The following PTAR1 variants were observed in gnomAD, a reference collection of about 807,000 sequenced individuals.
PTAR1 encodes protein prenyltransferase alpha subunit repeat-containing protein 1.
PTAR1 carries 17 observed loss-of-function variants against 45.5 expected under a neutral mutation model. That is an observed-to-expected ratio of 0.37 (90% CI 0.26 to 0.56). The LOEUF is 0.56. Among genes scored for constraint, PTAR1 ranks in the 20% least tolerant of loss-of-function variants. The probability of loss-of-function intolerance (pLI) is 0.77; values close to 1 mark genes in which losing one functional copy is unlikely to be tolerated. For synonymous variants in PTAR1, 169 were observed against 171.3 expected (o/e 0.99, Z 0.11); for missense variants, 391 against 476.3 (o/e 0.82, Z 1.67).
chr9:69,744,385 CT>C (rs68024709), intron 2 of PTAR1, among the ~76,000 whole-genome samples: 46,013 of 145,910 alleles, frequency 0.32, 7,641 homozygotes, highest in Admixed American at 0.41. Flanking sequence ...TTCATCTCTG[CT>C]TTTTTTTTTT....
intron 4 of PTAR1, among the ~76,000 whole-genome samples, 187 bp from the exon 5 acceptor site, chr9:69,732,539 A>C (rs1426780500): frequency 6.6e-6 from 1 of 152,042 alleles, no homozygotes; most frequent in Non-Finnish European, 1.5e-5. Flanking sequence ...CTAATTTAGC[A>C]GTATGGATGA....
intron 3 of PTAR1, among the ~76,000 whole-genome samples, chr9:69,736,314 T>C (rs1240298822): frequency 6.6e-6 from 1 of 152,120 alleles, no homozygotes; most frequent in African/African-American, 2.4e-5. Flanking sequence ...ATCCCAGCAC[T>C]TTGGGAGGCC....
At position 69,715,134 on chromosome 9, in the gene PTAR1, T is replaced by C. The variant is rs1463770001; in HGVS notation, c.*3208A>G. ...ATTTTTAATATATATTATAATACAG[T>C]TAATTGACAATTACAGAGCTGCATT... On this transcript the variant is annotated 3_prime_UTR_variant, in exon 8 of 8. Transcript: ENST00000340434. The C allele has an allele frequency of 6.6e-6, 1 of 152,064 alleles. No individual in the cohort carries two copies. The highest frequency in any genetic ancestry group is 1.5e-5 in the Non-Finnish European group (1 of 67,984). The allele number at this position is 152,064 out of a possible 1,614,324, so 9.4% of individuals were successfully genotyped here. A position where few individuals can be genotyped will look rare whatever the true frequency, so the allele number is the denominator to read the frequency against.
At chr9:69,759,720 C>A in intron 1 of PTAR1, 133 bp downstream of exon 1, 1 of 857,326 alleles carries the variant, frequency 1.2e-6, no homozygotes, top group Non-Finnish European at 1.7e-6. Context: ...CCCGACACGG[C>A]TCTGCCTCCT....
At position 69,732,014 on chromosome 9, in the gene PTAR1, C is replaced by G. The variant is rs73647275; in HGVS notation, c.642+125G>C. The G allele has an allele frequency of 3.6e-5, 24 of 657,756 alleles. No homozygotes were observed. In the East Asian group the frequency reaches 6.5e-4, roughly 18 times the overall value. The allele number at this position is 657,756 out of a possible 1,614,324, so 40.7% of individuals were successfully genotyped here. A position where few individuals can be genotyped will look rare whatever the true frequency, so the allele number is the denominator to read the frequency against. Reference sequence around the variant, plus strand: ...GTTCCTCCAGAGGTAGCAGCTGTTGCGATTCTCTCAAGTTGCCAGACCATC... The same window carrying G: ...GTTCCTCCAGAGGTAGCAGCTGTTGGGATTCTCTCAAGTTGCCAGACCATC... On this transcript the variant is annotated intron_variant, in intron 5 of 7. Coordinates refer to ENST00000340434, the MANE Select transcript of PTAR1 (RefSeq NM_001099666.2).
intron 1 of PTAR1, chr9:69,757,823 G>A (rs1005555392): frequency 1.3e-5 from 2 of 151,326 alleles, no homozygotes; most frequent in Non-Finnish European, 2.9e-5. Context: ...GGAAGAAAGC[G>A]CAGGCAATTT....
chr9:69,754,870 T>C (rs1826701894), intron 1 of PTAR1, among the ~76,000 whole-genome samples: 1 of 152,010 alleles, frequency 6.6e-6, no homozygotes, highest in Non-Finnish European at 1.5e-5. Context: ...ACATCCTTTT[T>C]TCCTGAGTAT....
chr9:69,759,970 CT>C lies in PTAR1; in HGVS notation c.-33del. 1 of 1,441,506 alleles carries C rather than the reference CT, an allele frequency of 6.9e-7. No homozygotes were observed. Among genetic ancestry groups the C allele is most frequent in the South Asian group, 1.4e-5 (1 of 73,108 alleles). The allele number at this position is 1,441,506 out of a possible 1,614,324, so 89.3% of individuals were successfully genotyped here. A position where few individuals can be genotyped will look rare whatever the true frequency, so the allele number is the denominator to read the frequency against. On this transcript the variant is annotated 5_prime_UTR_variant, in exon 1 of 8. Coordinates refer to ENST00000340434, the MANE Select transcript of PTAR1 (RefSeq NM_001099666.2). ...GGCGGCCGCGACAGTTCGGGCGCGCCTCCGCGTGAGCCGGGCCGCCGGCGGG... is the reference window on the plus strand; with the variant it reads ...GGCGGCCGCGACAGTTCGGGCGCGCCCCGCGTGAGCCGGGCCGCCGGCGGG...
chr9:69,711,396 C>T lies in PTAR1; in HGVS notation c.*6946G>A, dbSNP rs1477016119. 1 of 152,156 alleles carries T rather than the reference C, an allele frequency of 6.6e-6. No individual in the cohort carries two copies. Among genetic ancestry groups the T allele is most frequent in the Non-Finnish European group, 1.5e-5 (1 of 68,024 alleles). 9.4% of individuals were successfully genotyped at this position (152,156 alleles called of 1,614,324 possible). A position where few individuals can be genotyped will look rare whatever the true frequency, so the allele number is the denominator to read the frequency against. On this transcript the variant is annotated 3_prime_UTR_variant, in exon 8 of 8. Transcript: ENST00000340434. ...GTTTAATCTTTTTACATTAGGTAAA[C>T]TCTGTCAAAAATGCTTTGAAAACCA...
chr9:69,723,225 T>C (rs567167423), intron 6 of PTAR1, 101 bp downstream of exon 6: 13 of 970,908 alleles, frequency 1.3e-5, no homozygotes, highest in Non-Finnish European at 1.9e-5. Flanking sequence ...CAGATGACCA[T>C]GTTTACCCAA....
chr9:69,723,057 C>T (rs1825098204), intron 6 of PTAR1, among the ~76,000 whole-genome samples: 1 of 151,466 alleles, frequency 6.6e-6, no homozygotes, highest in African/African-American at 2.4e-5. Context: ...GGAACTAACA[C>T]AGGTTATTCT....
chr9:69,757,417 T>C (rs1337009398), intron 1 of PTAR1: 1 of 152,168 alleles, frequency 6.6e-6, no homozygotes, highest in African/African-American at 2.4e-5. Flanking sequence ...TCAGGGAAGG[T>C]CTAATATTTA....
intron 2 of PTAR1, among the ~76,000 whole-genome samples, chr9:69,745,992 G>T (rs1300784448): frequency 6.6e-6 from 1 of 152,160 alleles, no homozygotes; most frequent in African/African-American, 2.4e-5. Context: ...AAGAATCTTC[G>T]AATTTAAAAC....
At chr9:69,754,532 C>CTTTTTTTTTTTTTTTTTTTTTT (rs60025062) in intron 1 of PTAR1, among the ~76,000 whole-genome samples, 3 of 76,260 alleles carry the variant, frequency 3.9e-5, no homozygotes, top group African/African-American at 5.8e-5. Flanking sequence ...GGGTATATAT[C>CTTTTTTTTTTTTTTTTTTTTTT]TTTTTTTTTT....
intron 3 of PTAR1, among the ~76,000 whole-genome samples, chr9:69,736,428 G>A (rs1374212231): frequency 1.3e-5 from 2 of 152,120 alleles, no homozygotes; most frequent in Non-Finnish European, 2.9e-5. Flanking sequence ...ATGGTGGCAC[G>A]CACCTGTAGT....
chr9:69,730,687 G>T (rs10511968), intron 5 of PTAR1, among the ~76,000 whole-genome samples: 1 of 149,162 alleles, frequency 6.7e-6, no homozygotes, highest in Admixed American at 6.8e-5. Context: ...TGTAATTGTT[G>T]GTCTACTTTC....
intron 3 of PTAR1, 154 bp from the exon 4 acceptor site, chr9:69,734,408 G>A (rs1375382470): frequency 2.2e-6 from 1 of 456,926 alleles, no homozygotes; most frequent in Non-Finnish European, 3.8e-6. Context: ...AAGCCACTCT[G>A]GGATATAAAA....
At chr9:69,723,272 G>A in intron 6 of PTAR1, 54 bp downstream of exon 6, 3 of 1,450,562 alleles carry the variant, frequency 2.1e-6, no homozygotes, top group Non-Finnish European at 2.9e-6. Context: ...ACTTTCTGCA[G>A]CTCTCATGAA....
rs748649200 is a variant in PTAR1, at chr9:69,732,119, G to T, written c.642+20C>A. ...TAAGGGCAGACAGGCAGTCTGCCCA[G>T]GAGACAGTAATATTCCTACCTTGAC... On this transcript the variant is annotated intron_variant, in intron 5 of 7. Coordinates refer to ENST00000340434, the MANE Select transcript of PTAR1 (RefSeq NM_001099666.2). The T allele has an allele frequency of 7.0e-6, 11 of 1,575,658 alleles. No homozygotes were observed. The Admixed American group carries it at 1.8e-4, about 26-fold the overall frequency.
Sources: allele counts gnomAD v4.1 joint callset (sites outside exome capture counted in the v4.1 genomes callset), GRCh38; gene constraint gnomAD v4.1.1; transcripts MANE v1.5; gene names NCBI Gene and HGNC (gene_info 2026-07-23, HGNC 2026-07-21).